AKR1D1: variants seen among roughly 807,000 people sequenced by gnomAD.
AKR1D1 encodes the protein aldo-keto reductase family 1 member D1, also known as delta(4)-3-ketosteroid 5-beta-reductase.
AKR1D1 carries 32 observed loss-of-function variants against 42.6 expected under a neutral mutation model. That is an observed-to-expected ratio of 0.75 (90% CI 0.57 to 1.01). AKR1D1 has a LOEUF of 1.01. Ranked by LOEUF, AKR1D1 falls within the 50% of genes least tolerant of loss-of-function variation. The pLI, the probability that AKR1D1 is intolerant of heterozygous loss-of-function variation, is 0.00. For missense variants in AKR1D1, 364 were observed against 402.2 expected, an observed-to-expected ratio of 0.91 and a Z score of 0.81; for synonymous variants, 123 against 135.5, an observed-to-expected ratio of 0.91 and a Z score of 0.64.
At chr7:138,108,263 C>T (rs537493758) in intron 7 of AKR1D1, among the ~76,000 whole-genome samples, 1 of 152,284 alleles carries the variant, frequency 6.6e-6, no homozygotes, top group East Asian at 1.9e-4. Context: ...TATTCCGCTA[C>T]TACTAAAGAC....
chr7:138,089,658 T>C (rs1190182950), intron 2 of AKR1D1, among the ~76,000 whole-genome samples: 1 of 152,154 alleles, frequency 6.6e-6, no homozygotes, highest in African/African-American at 2.4e-5. Context: ...AAAAGTACAG[T>C]TGTGAATAGA....
rs775204250 is a variant in AKR1D1, at chr7:138,091,829, T to C, written c.323T>C (p.Val108Ala). ...CCAACCCTGGAGAGGACACTCAGGG[T>C]CCTCCAGCTAGATTATGTGGATCTT... ...VRPTLERTLR[V>A]LQLDYVDLYI... Residue 108 changes from valine to alanine, a missense_variant, in exon 3 of 9, where the codon GTC (valine) becomes GCC (alanine). Physicochemically the swap from Val to Ala is moderately conservative, Grantham distance 64. Transcript: ENST00000242375. 26 of 1,613,996 alleles carry C rather than the reference T, an allele frequency of 1.6e-5. No individual in the cohort carries two copies. The highest frequency in any genetic ancestry group is 2.2e-5 in the Non-Finnish European group (26 of 1,180,014).
chr7:138,110,481 G>A (rs1003106661), intron 7 of AKR1D1, among the ~76,000 whole-genome samples: 3 of 151,908 alleles, frequency 2.0e-5, no homozygotes, highest in African/African-American at 4.8e-5. Context: ...GGCTGGGTGC[G>A]GTGGCTCACT....
At chr7:138,107,323 G>C (rs778507136) in intron 6 of AKR1D1, 92 bp from the exon 7 acceptor site, 11 of 1,370,476 alleles carry the variant, frequency 8.0e-6, no homozygotes, top group Middle Eastern at 3.5e-4. Flanking sequence ...TAGGTGACTG[G>C]GTGAATGGGA....
intron 7 of AKR1D1, among the ~76,000 whole-genome samples, chr7:138,110,231 A>G (rs1356103577): frequency 6.6e-6 from 1 of 152,202 alleles, no homozygotes. Context: ...AAAGATCAAT[A>G]AAGCATAAAG....
chr7:138,088,698 T>C lies in AKR1D1; in HGVS notation c.191T>C (p.Val64Ala), dbSNP rs753733703. Residue 64 changes from valine to alanine, a missense_variant, in exon 2 of 9, where the codon GTT becomes GCT. Transcript: ENST00000242375. ...GAYIYQNEHE[V>A]GEAIREKIAE... ...TACATCTACCAAAATGAACACGAAGTTGGGGAGGCCATCAGGGAGAAGATA... is the reference window on the plus strand; with the variant it reads ...TACATCTACCAAAATGAACACGAAGCTGGGGAGGCCATCAGGGAGAAGATA... 6 of 1,613,758 alleles carry C rather than the reference T, an allele frequency of 3.7e-6. No individual in the cohort carries two copies. In the Admixed American group the frequency reaches 5.0e-5, roughly 13 times the overall value.
At chr7:138,107,242 C>T (rs539301673) in intron 6 of AKR1D1, 173 bp from the exon 7 acceptor site, 14 of 786,332 alleles carry the variant, frequency 1.8e-5, no homozygotes, top group East Asian at 9.8e-5. Context: ...TCCCATACTA[C>T]GAGTAACTCT....
intron 1 of AKR1D1, among the ~76,000 whole-genome samples, chr7:138,084,090 C>A (rs1274420637): frequency 6.6e-6 from 1 of 152,108 alleles, no homozygotes; most frequent in Non-Finnish European, 1.5e-5. Flanking sequence ...CTCCCAGGGA[C>A]TGGAGGTGGC....
At chr7:138,093,730 T>C (rs941109396) in intron 3 of AKR1D1, among the ~76,000 whole-genome samples, 3 of 152,224 alleles carry the variant, frequency 2.0e-5, no homozygotes, top group Non-Finnish European at 4.4e-5. Context: ...AGAACAAATA[T>C]ATAAGTTGTA....
intron 1 of AKR1D1, among the ~76,000 whole-genome samples, chr7:138,081,504 ACCTTTT>A (rs1803055349): frequency 1.2e-4 from 12 of 100,786 alleles, no homozygotes; most frequent in East Asian, 5.7e-4. Context: ...AGGAACTCCT[ACCTTTT>A]TTTTTTTTTT....
At position 138,117,525 on chromosome 7, in the gene AKR1D1, G is replaced by A. The variant is rs545218768; in HGVS notation, c.*863G>A. The A allele has an allele frequency of 6.6e-6, 1 of 152,284 alleles. No homozygotes were observed. The highest frequency in any genetic ancestry group is 6.5e-5 in the Admixed American group (1 of 15,290). The allele number at this position is 152,284 out of a possible 1,614,324, so 9.4% of individuals were successfully genotyped here. ...AACTTGGGAGATATATTGAAACAAG[G>A]TGCTTTATAAGATTATTGTACTTAA... On this transcript the variant is annotated 3_prime_UTR_variant, in exon 9 of 9. Coordinates refer to ENST00000242375, the MANE Select transcript of AKR1D1 (RefSeq NM_005989.4).
At chr7:138,100,895 G>A (rs1266613952) in intron 4 of AKR1D1, among the ~76,000 whole-genome samples, 1 of 151,496 alleles carries the variant, frequency 6.6e-6, no homozygotes, top group Admixed American at 6.6e-5. Flanking sequence ...TAGTAGAGAC[G>A]GGGTTTCACT....
At chr7:138,114,729 A>G (rs190724731) in intron 8 of AKR1D1, among the ~76,000 whole-genome samples, 31 of 151,958 alleles carry the variant, frequency 2.0e-4, no homozygotes, top group South Asian at 4.2e-4. Flanking sequence ...ACATATACAT[A>G]TATATACTCA....
intron 1 of AKR1D1, among the ~76,000 whole-genome samples, chr7:138,080,080 T>C (rs1158316752): frequency 6.6e-6 from 1 of 152,126 alleles, no homozygotes; most frequent in African/African-American, 2.4e-5. Flanking sequence ...ACACAGTAAA[T>C]GGGTAGGAAT....
At chr7:138,087,306 C>T (rs889520392) in intron 1 of AKR1D1, among the ~76,000 whole-genome samples, 2 of 105,050 alleles carry the variant, frequency 1.9e-5, no homozygotes, top group African/African-American at 6.1e-5. Flanking sequence ...TAGGCCCTAC[C>T]TCCCAACACT....
At chr7:138,098,444 T>C (rs1158889165) in intron 4 of AKR1D1, 2 of 154,090 alleles carry the variant, frequency 1.3e-5, no homozygotes, top group Non-Finnish European at 2.9e-5. Context: ...ACTCTGTCTC[T>C]ACTAAAAATA....
At chr7:138,084,377 C>T (rs190540194) in intron 1 of AKR1D1, among the ~76,000 whole-genome samples, 1 of 150,994 alleles carries the variant, frequency 6.6e-6, no homozygotes, top group Non-Finnish European at 1.5e-5. Flanking sequence ...AGTCACCAGA[C>T]CCGGCTAATT....
In AKR1D1 at chr7:138,116,488, A is replaced by T. The variant is rs1257252825; in HGVS notation, c.939-132A>T. Reference sequence around the variant, plus strand: ...TTGAGGGAAAACAGAAGAGGAAAGTAGGTAAGAAACAGCAGAGGAATGAAT... The same window carrying T: ...TTGAGGGAAAACAGAAGAGGAAAGTTGGTAAGAAACAGCAGAGGAATGAAT... On this transcript the variant is annotated intron_variant, in intron 8 of 8. Transcript: ENST00000242375. 4 of 1,017,854 alleles carry T rather than the reference A, an allele frequency of 3.9e-6. No homozygotes were observed. The African/African-American group carries it at 4.7e-5, about 12-fold the overall frequency. 63.1% of individuals were successfully genotyped at this position (1,017,854 alleles called of 1,614,324 possible).
intron 1 of AKR1D1, among the ~76,000 whole-genome samples, chr7:138,078,045 T>C (rs1404188896): frequency 6.6e-6 from 1 of 152,136 alleles, no homozygotes; most frequent in Non-Finnish European, 1.5e-5. Flanking sequence ...CACTGCAACC[T>C]CTGACTCCCA....
Sources: allele counts gnomAD v4.1 joint callset (sites outside exome capture counted in the v4.1 genomes callset), GRCh38; gene constraint gnomAD v4.1.1; transcripts MANE v1.5; gene names NCBI Gene and HGNC (gene_info 2026-07-23, HGNC 2026-07-21).